LGALS14: variants seen among roughly 807,000 people sequenced by gnomAD.
LGALS14 encodes the protein galectin 14, also known as placental protein 13-like.
Under a neutral mutation model 14.6 loss-of-function variants are expected in LGALS14, and 14 were observed. The observed-to-expected ratio is 0.96, with a 90% CI of 0.64 to 1.50. The LOEUF (loss-of-function observed/expected upper bound fraction) is 1.50. LGALS14 is among the 40% of genes most tolerant of loss of function. The pLI is 0.00. For synonymous variants in LGALS14, 57 were observed against 63.9 expected (o/e 0.89, Z 0.51); for missense variants, 180 against 172.0 (o/e 1.05, Z -0.26).
rs149022147 is a variant in LGALS14, at chr19:39,707,299, T to C, written c.214T>C (p.Trp72Arg). 17 of 1,613,998 alleles carry C rather than the reference T, an allele frequency of 1.1e-5. No individual in the cohort carries two copies. The highest frequency in any genetic ancestry group is 1.6e-4 in the Middle Eastern group (1 of 6,082). ...AIMNSCVFGI[W>R]RYEEKCYYLP... ...CATGAACAGTTGTGTGTTTGGCATA[T>C]GGAGATATGAGGAGAAATGCTACTA... Residue 72 changes from tryptophan (W) to arginine (R), a missense_variant, in exon 3 of 4, where the codon TGG (tryptophan) becomes CGG (arginine). Transcript: ENST00000392052.
chr19:39,708,524 G>T (rs1973751882), intron 3 of LGALS14, among the ~76,000 whole-genome samples: 1 of 152,078 alleles, frequency 6.6e-6, no homozygotes, highest in Admixed American at 6.5e-5. Context: ...ACACTAAGAA[G>T]GTGACTTTCT....
At chr19:39,706,965 A>G (rs1973723354) in intron 2 of LGALS14, among the ~76,000 whole-genome samples, 1 of 152,166 alleles carries the variant, frequency 6.6e-6, no homozygotes, top group Admixed American at 6.5e-5. Flanking sequence ...CATGTCACTG[A>G]CTGGCGCTCA....
At chr19:39,705,426 G>C (rs1973699317) in intron 1 of LGALS14, among the ~76,000 whole-genome samples, 1 of 152,174 alleles carries the variant, frequency 6.6e-6, no homozygotes. Flanking sequence ...AGAGGCCGTG[G>C]TTAAAGAGAC....
intron 3 of LGALS14, 48 bp downstream of exon 3, chr19:39,707,436 A>G (rs376384092): frequency 1.2e-4 from 176 of 1,486,768 alleles, no homozygotes; most frequent in Middle Eastern, 5.1e-4. Flanking sequence ...GGGCTCTTAG[A>G]GCAGGAGGCA....
In LGALS14 at chr19:39,709,201, TG is replaced by T; in HGVS notation, c.310del (p.Val104Ter). ...IYVRHKEYKV[M>X]VNGQRIYNFA... ...GATGCATTTTTCCTCTTGTAGGTAATGGTAAATGGCCAACGCATTTACAACT... is the reference window on the plus strand; with the variant it reads ...GATGCATTTTTCCTCTTGTAGGTAATGTAAATGGCCAACGCATTTACAACT... On this transcript the variant is annotated frameshift_variant, in exon 4 of 4. Transcript: ENST00000392052. LOFTEE classifies it low-confidence loss of function (END_TRUNC). The T allele has an allele frequency of 6.2e-7, 1 of 1,607,680 alleles. No homozygotes were observed. The highest frequency in any genetic ancestry group is 8.5e-7 in the Non-Finnish European group (1 of 1,174,158).
At chr19:39,708,292 A>G (rs10424853) in intron 3 of LGALS14, among the ~76,000 whole-genome samples, 11,997 of 152,238 alleles carry the variant, frequency 0.079, 1,422 homozygotes, top group African/African-American at 0.26. Flanking sequence ...TTTAAAGATT[A>G]CATAATATTG....
At chr19:39,708,775 T>C (rs1243095628) in intron 3 of LGALS14, among the ~76,000 whole-genome samples, 1 of 152,202 alleles carries the variant, frequency 6.6e-6, no homozygotes, top group African/African-American at 2.4e-5. Context: ...AAAGAGGAAC[T>C]GTGCCATCAG....
chr19:39,709,405 AC>A lies in LGALS14; in HGVS notation c.*96del, dbSNP rs1466279008. The A allele has an allele frequency of 1.2e-5, 9 of 734,774 alleles. No homozygotes were observed. Among genetic ancestry groups the A allele is most frequent in the Admixed American group, 2.0e-5 (1 of 50,624 alleles). The allele number at this position is 734,774 out of a possible 1,614,324, so 45.5% of individuals were successfully genotyped here. A position where few individuals can be genotyped will look rare whatever the true frequency, so the allele number is the denominator to read the frequency against. ...CCTACTAACAGAATAATCCCTCCTC[AC>A]CCCTTCCCCTACACTTGATCATTAA... is the stretch of plus-strand genomic sequence containing the variant. On this transcript the variant is annotated 3_prime_UTR_variant, in exon 4 of 4. Transcript: ENST00000392052.
In LGALS14 at chr19:39,706,631, G is replaced by T. The variant is rs758125539; in HGVS notation, c.50G>T (p.Gly17Val). ...PYTLPVSLPVGSCVIITGTPI... is the reference protein window; with the variant it reads ...PYTLPVSLPVVSCVIITGTPI... ...ACACTGCCTGTTTCCTTGCCTGTTGGTTCGTGCGTGATAATCACAGGGACA... is the reference window on the plus strand; with the variant it reads ...ACACTGCCTGTTTCCTTGCCTGTTGTTTCGTGCGTGATAATCACAGGGACA... Residue 17 changes from glycine (G) to valine (V), a missense_variant, in exon 2 of 4, where the codon GGT becomes GTT. By Grantham distance (109) the Gly-to-Val change is moderately radical. Transcript: ENST00000392052. 3.1e-6 allele frequency: 5 copies of T among 1,614,012 alleles called. No homozygotes were observed. In the South Asian group the frequency reaches 5.5e-5, roughly 18 times the overall value.
At chr19:39,708,113 C>G (rs1483928536) in intron 3 of LGALS14, among the ~76,000 whole-genome samples, 1 of 152,182 alleles carries the variant, frequency 6.6e-6, no homozygotes, top group Non-Finnish European at 1.5e-5. Flanking sequence ...CCCAGCCTTT[C>G]AGAGGAAATC....
chr19:39,704,508 G>C lies in LGALS14; in HGVS notation c.-21G>C, dbSNP rs1440595638. 1 of 1,613,286 alleles carries C rather than the reference G, an allele frequency of 6.2e-7. No homozygotes were observed. The highest frequency in any genetic ancestry group is 1.3e-5 in the African/African-American group (1 of 74,930). ...AGAAGACTGGACACAATTCCGAAGA[G>C]CTGCCCAGAAGGAGAGAACAATGTC... On this transcript the variant is annotated 5_prime_UTR_variant, in exon 1 of 4. Coordinates refer to ENST00000392052, the MANE Select transcript of LGALS14 (RefSeq NM_020129.3).
chr19:39,707,098 G>A (rs1273011286), intron 2 of LGALS14, 80 bp from the exon 3 acceptor site: 5 of 1,129,342 alleles, frequency 4.4e-6, no homozygotes, highest in Admixed American at 3.6e-5. Flanking sequence ...GGTAAAGGGG[G>A]GAAGGGATTT....
At chr19:39,706,086 C>T (rs1973711586) in intron 1 of LGALS14, 1 of 1,573,736 alleles carries the variant, frequency 6.4e-7, no homozygotes, top group African/African-American at 1.4e-5. Flanking sequence ...TGTTGTTTCT[C>T]ACTGGAGTGA....
rs61737337 is a variant in LGALS14, at chr19:39,706,627, G to C, written c.46G>C (p.Val16Leu). ...VPYTLPVSLP[V>L]GSCVIITGTP... ...ATACACACTGCCTGTTTCCTTGCCT[G>C]TTGGTTCGTGCGTGATAATCACAGG... The change falls in exon 2 of 4, where the codon GTT becomes CTT. Residue 16 changes from valine (V) to leucine (L), a missense_variant. Val to Leu is a conservative substitution (Grantham distance 32). Transcript: ENST00000392052. The C allele has an allele frequency of 1.1e-5, 17 of 1,613,896 alleles. No homozygotes were observed. Among genetic ancestry groups the C allele is most frequent in the Non-Finnish European group, 1.4e-5 (17 of 1,179,916 alleles).
At chr19:39,706,718 A>G (rs1225266089) in intron 2 of LGALS14, 45 bp downstream of exon 2, 1 of 1,461,638 alleles carries the variant, frequency 6.8e-7, no homozygotes, top group Non-Finnish European at 9.6e-7. Context: ...GAGAGAAGGG[A>G]GAATATTTGC....
chr19:39,705,974 T>A (rs1398947343), intron 1 of LGALS14: 1 of 1,613,836 alleles, frequency 6.2e-7, no homozygotes, highest in Non-Finnish European at 8.5e-7. Context: ...TGTGTGCCGC[T>A]TCTGGGAAGG....
At chr19:39,706,027 A>G (rs372314443) in intron 1 of LGALS14, 2 of 1,612,944 alleles carry the variant, frequency 1.2e-6, no homozygotes, top group African/African-American at 1.3e-5. Flanking sequence ...TACATCCCAC[A>G]CACAGGGGTT....
chr19:39,706,247 A>G (rs1600834986), intron 1 of LGALS14, among the ~76,000 whole-genome samples: 1 of 152,244 alleles, frequency 6.6e-6, no homozygotes, highest in African/African-American at 2.4e-5. Flanking sequence ...TTTTACCTAT[A>G]TTAACTCCTC....
intron 2 of LGALS14, 72 bp from the exon 3 acceptor site, chr19:39,707,106 T>G: frequency 8.4e-7 from 1 of 1,185,194 alleles, no homozygotes; most frequent in Non-Finnish European, 1.3e-6. Context: ...GGGGAAGGGA[T>G]TTGTGTGTGT....
Sources: gnomAD v4.1 joint callset for allele counts (sites outside exome capture counted in the v4.1 genomes callset) on GRCh38, gnomAD v4.1.1 for gene constraint, MANE v1.5 for transcripts, NCBI Gene and HGNC (gene_info 2026-07-23, HGNC 2026-07-21) for gene names.